DMD: variants seen among roughly 807,000 people sequenced by gnomAD.
The protein encoded by DMD is mutant dystrophin.
DMD carries 63 observed loss-of-function variants against 330.1 expected under a neutral mutation model. That is an observed-to-expected ratio of 0.19 (90% CI 0.16 to 0.24). The LOEUF is 0.24. DMD is among the 10% of genes least tolerant of loss of function. The pLI is 1.00. For synonymous variants in DMD, 1,223 were observed against 959.8 expected, an observed-to-expected ratio of 1.27 and a Z score of -5.07; for missense variants, 3,344 against 2,684.1, an observed-to-expected ratio of 1.25 and a Z score of -5.43.
chrX:31,176,400 G>C (rs1174081450), intron 71 of DMD, among the ~76,000 whole-genome samples: 1 of 111,542 alleles, frequency 9.0e-6, no homozygotes. Flanking sequence ...TAATCTGATT[G>C]TCATAATGTT....
intron 74 of DMD, among the ~76,000 whole-genome samples, chrX:31,152,732 A>G (rs959801300): frequency 5.4e-5 from 6 of 111,328 alleles, no homozygotes; most frequent in Non-Finnish European, 5.7e-5. Flanking sequence ...TAAAGATGGC[A>G]CCTCACTACA....
At chrX:33,169,439 A>G (rs976811333) in intron 1 of DMD, among the ~76,000 whole-genome samples, 3 of 111,687 alleles carry the variant, frequency 2.7e-5, no homozygotes, top group Non-Finnish European at 3.8e-5. Context: ...TTCAAAGGAC[A>G]AAACAAAGAC....
In DMD at chrX:32,777,101, G is replaced by A. The variant is rs771625052; in HGVS notation, c.649+32392C>T. Among the ~76,000 whole-genome samples the A allele has an allele frequency of 1.6e-4, 17 of 107,078 alleles. No homozygotes were observed. In the South Asian group the frequency reaches 5.6e-3, roughly 35 times the overall value. 93.0% of individuals were successfully genotyped at this position (107,078 alleles called of 115,157 possible). On this transcript the variant is annotated intron_variant, in intron 7 of 78. Transcript: ENST00000357033. Reference sequence around the variant, plus strand: ...TACAGTAATTAAGAGTATGCAACACGCTCCACAATTATCTGAGTAATTAGA... The same window carrying A: ...TACAGTAATTAAGAGTATGCAACACACTCCACAATTATCTGAGTAATTAGA...
intron 44 of DMD, among the ~76,000 whole-genome samples, chrX:32,031,893 A>T (rs2095886988): frequency 8.9e-6 from 1 of 112,034 alleles, no homozygotes; most frequent in South Asian, 3.7e-4. Context: ...TTCATTCACT[A>T]AAAGGTCTTT....
rs146581298 is a variant in DMD, at chrX:32,118,634, G to C, written c.6438+98282C>G. Among the ~76,000 whole-genome samples the C allele has an allele frequency of 6.2e-3, 694 of 111,156 alleles. 1 individual carries two copies. The highest frequency in any genetic ancestry group is 9.9e-3 in the Non-Finnish European group (524 of 52,974). On this transcript the variant is annotated intron_variant, in intron 44 of 78. Transcript: ENST00000357033. ...TCAGAACTCCTACGAGTGGGGCACA[G>C]CAATCAGTATTTTAATGAGTCACCT...
chrX:31,308,134 CCTG>C (rs1417665013), intron 62 of DMD, among the ~76,000 whole-genome samples: 3 of 111,958 alleles, frequency 2.7e-5, no homozygotes, highest in African/African-American at 6.5e-5. Context: ...CCACTCACCT[CCTG>C]CTGTTCCAGT....
chrX:32,582,006 A>T (rs1474294465), intron 13 of DMD, among the ~76,000 whole-genome samples: 1 of 111,946 alleles, frequency 8.9e-6, no homozygotes, highest in Non-Finnish European at 1.9e-5. Context: ...TCCGGTAGTG[A>T]TAAAACCTCT....
At chrX:32,121,369 T>C (rs1393772562) in intron 44 of DMD, among the ~76,000 whole-genome samples, 5 of 107,453 alleles carry the variant, frequency 4.7e-5, no homozygotes, top group Non-Finnish European at 1.9e-5. Flanking sequence ...TTAGGCTCTG[T>C]GGGGAGTTCT....
intron 7 of DMD, among the ~76,000 whole-genome samples, chrX:32,704,752 A>T (rs2064451780): frequency 8.9e-6 from 1 of 112,049 alleles, no homozygotes; most frequent in Admixed American, 9.5e-5. Flanking sequence ...AGGAATAGAG[A>T]AACTGGAAAG....
chrX:31,324,619 A>T (rs1367753315), intron 61 of DMD, among the ~76,000 whole-genome samples: 1 of 111,694 alleles, frequency 9.0e-6, no homozygotes. Flanking sequence ...CAGAAACAGA[A>T]ATAAAAGACG....
chrX:32,809,919 CAAAAAAAA>C (rs55898363), intron 6 of DMD, among the ~76,000 whole-genome samples: 8 of 28,659 alleles, frequency 2.8e-4, no homozygotes, highest in Non-Finnish European at 4.0e-4. Flanking sequence ...TTGTTTCTAC[CAAAAAAAA>C]AAAAAAAAAA....
At chrX:32,237,224 T>G (rs1357224615) in intron 43 of DMD, among the ~76,000 whole-genome samples, 2 of 111,846 alleles carry the variant, frequency 1.8e-5, no homozygotes, top group Non-Finnish European at 3.8e-5. Context: ...TATGTTTATG[T>G]ACAGTGTGAG....
intron 50 of DMD, among the ~76,000 whole-genome samples, chrX:31,778,366 G>A (rs1317968683): frequency 2.7e-5 from 3 of 110,969 alleles, no homozygotes; most frequent in Non-Finnish European, 5.7e-5. Context: ...TGGGTCTCAA[G>A]GAATATACTT....
intron 48 of DMD, among the ~76,000 whole-genome samples, chrX:31,864,244 C>A (rs1404744297): frequency 9.0e-6 from 1 of 111,218 alleles, no homozygotes; most frequent in Non-Finnish European, 1.9e-5. Flanking sequence ...ACTCTTCTCC[C>A]CTCCCTCATA....
intron 60 of DMD, among the ~76,000 whole-genome samples, chrX:31,348,946 A>T (rs1200909045): frequency 8.9e-6 from 1 of 112,172 alleles, no homozygotes; most frequent in African/African-American, 3.2e-5. Context: ...AAAAAATACA[A>T]ATCTTTACTT....
chrX:33,210,777 C>T (rs928063233), intron 1 of DMD, among the ~76,000 whole-genome samples: 11 of 111,631 alleles, frequency 9.9e-5, no homozygotes, highest in Non-Finnish European at 2.1e-4. Context: ...CGTCCCAACT[C>T]ATTTTATTCT....
intron 23 of DMD, among the ~76,000 whole-genome samples, chrX:32,465,089 C>T (rs2098396829): frequency 9.0e-6 from 1 of 111,718 alleles, no homozygotes; most frequent in Admixed American, 9.5e-5. Flanking sequence ...GTCTTTATAG[C>T]CTCCCTAAAC....
chrX:33,146,911 C>T (rs763295597), intron 1 of DMD, among the ~76,000 whole-genome samples: 1 of 110,752 alleles, frequency 9.0e-6, no homozygotes, highest in South Asian at 3.9e-4. Flanking sequence ...CAACCTCCGC[C>T]TCCCAGGTTC....
intron 53 of DMD, 112 bp downstream of exon 53, chrX:31,679,263 C>T (rs1045251504): frequency 5.2e-5 from 37 of 705,210 alleles, no homozygotes; most frequent in African/African-American, 2.8e-4. Flanking sequence ...TCAGCTTTAA[C>T]GTGATTTTCT....
Sources: gnomAD v4.1 joint callset for allele counts (sites outside exome capture counted in the v4.1 genomes callset) on GRCh38, gnomAD v4.1.1 for gene constraint, MANE v1.5 for transcripts, NCBI Gene and HGNC (gene_info 2026-07-23, HGNC 2026-07-21) for gene names.